GPR39: variants seen among roughly 807,000 people sequenced by gnomAD.
GPR39 encodes zinc sensing receptor.
In GPR39, 23 loss-of-function variants were observed where a neutral mutation model predicts 18.4. The observed-to-expected ratio is 1.25, with a 90% CI of 0.90 to 1.77. The LOEUF is 1.77. Ranked by LOEUF, GPR39 falls within the 40% of genes most tolerant of loss-of-function variation. The pLI, the probability that GPR39 is intolerant of heterozygous loss-of-function variation, is 0.00. For synonymous variants in GPR39, 280 were observed against 257.9 expected, an observed-to-expected ratio of 1.09 and a Z score of -0.82; for missense variants, 647 against 602.4, an observed-to-expected ratio of 1.07 and a Z score of -0.78.
chr2:132,643,666 T>C (rs1420721272), intron 1 of GPR39, among the ~76,000 whole-genome samples: 6 of 152,198 alleles, frequency 3.9e-5, no homozygotes, highest in African/African-American at 1.2e-4. Context: ...CAGGTGTGTA[T>C]GTACCACCAT....
chr2:132,441,599 A>G (rs916038027), intron 1 of GPR39, among the ~76,000 whole-genome samples: 1 of 152,186 alleles, frequency 6.6e-6, no homozygotes, highest in Non-Finnish European at 1.5e-5. Context: ...TAATGAATGG[A>G]GTGATTAATA....
intron 1 of GPR39, among the ~76,000 whole-genome samples, chr2:132,460,851 G>A (rs1680818414): frequency 6.6e-6 from 1 of 152,146 alleles, no homozygotes; most frequent in Non-Finnish European, 1.5e-5. Context: ...AGCACAGCCA[G>A]CTCTGGGCAG....
At position 132,646,056 on chromosome 2, in the gene GPR39, C is replaced by T; in HGVS notation, c.*450C>T. ...CATCTCCTTCAGCTTCAGCAGTGTG[C>T]CGAGAAGAGGGCTAATTTGAGGAAC... On this transcript the variant is annotated 3_prime_UTR_variant, in exon 2 of 2. Transcript: ENST00000329321. 3.8e-6 allele frequency: 6 copies of T among 1,573,032 alleles called. No homozygotes were observed. Among genetic ancestry groups the T allele is most frequent in the Non-Finnish European group, 5.2e-6 (6 of 1,157,680 alleles).
intron 1 of GPR39, among the ~76,000 whole-genome samples, chr2:132,492,656 T>TATACACACCATATATATATAATATAC: frequency 7.2e-6 from 1 of 138,380 alleles, no homozygotes; most frequent in South Asian, 2.2e-4. Context: ...ATATAATATA[T>TATACACACCATATATATATAATATAC]ATACACACCA....
intron 1 of GPR39, among the ~76,000 whole-genome samples, chr2:132,428,673 C>T (rs1023666704): frequency 2.6e-5 from 4 of 152,190 alleles, no homozygotes; most frequent in African/African-American, 4.8e-5. Context: ...TATGTCCTAA[C>T]ATCAGGGTAT....
intron 1 of GPR39, among the ~76,000 whole-genome samples, chr2:132,552,674 G>T (rs2104796053): frequency 6.6e-6 from 1 of 151,740 alleles, no homozygotes. Context: ...TGGAAGTTCG[G>T]CATCCTTGAA....
chr2:132,609,563 G>T (rs915890228), intron 1 of GPR39, among the ~76,000 whole-genome samples: 1 of 152,104 alleles, frequency 6.6e-6, no homozygotes, highest in Non-Finnish European at 1.5e-5. Flanking sequence ...GGATGCAAAG[G>T]CCCCTTGCAG....
intron 1 of GPR39, among the ~76,000 whole-genome samples, chr2:132,461,130 A>G (rs1573613404): frequency 6.6e-6 from 1 of 152,206 alleles, no homozygotes; most frequent in Non-Finnish European, 1.5e-5. Flanking sequence ...GAATAATCGT[A>G]TAAGACCCTT....
At chr2:132,467,707 A>G (rs1228194791) in intron 1 of GPR39, among the ~76,000 whole-genome samples, 1 of 152,254 alleles carries the variant, frequency 6.6e-6, no homozygotes, top group East Asian at 1.9e-4. Flanking sequence ...AAGATGATGT[A>G]TACTTTTACC....
intron 1 of GPR39, among the ~76,000 whole-genome samples, chr2:132,620,853 C>T (rs935722361): frequency 1.3e-5 from 2 of 152,124 alleles, no homozygotes; most frequent in Non-Finnish European, 2.9e-5. Flanking sequence ...CCCAGGTTCA[C>T]GCCATTCTCC....
At chr2:132,499,283 C>A (rs929229862) in intron 1 of GPR39, among the ~76,000 whole-genome samples, 2 of 152,158 alleles carry the variant, frequency 1.3e-5, no homozygotes, top group Non-Finnish European at 2.9e-5. Flanking sequence ...GTGTGGCTTG[C>A]CAATTATCCC....
chr2:132,486,564 C>T (rs1422059786), intron 1 of GPR39, among the ~76,000 whole-genome samples: 2 of 152,222 alleles, frequency 1.3e-5, no homozygotes, highest in African/African-American at 4.8e-5. Flanking sequence ...GCACTTGCTG[C>T]TTCACTTTGC....
chr2:132,419,952 A>G (rs4378856), intron 1 of GPR39, among the ~76,000 whole-genome samples: 33,168 of 152,170 alleles, frequency 0.22, 3,796 homozygotes, highest in African/African-American at 0.27. Context: ...TCCCCACAGC[A>G]GGTGCTCCAA....
At chr2:132,509,919 T>G (rs111325292) in intron 1 of GPR39, among the ~76,000 whole-genome samples, 14 of 152,298 alleles carry the variant, frequency 9.2e-5, no homozygotes, top group African/African-American at 3.1e-4. Flanking sequence ...GAGAGGACTG[T>G]GTATGGCTGG....
At chr2:132,479,157 T>C (rs1423287993) in intron 1 of GPR39, among the ~76,000 whole-genome samples, 6 of 152,200 alleles carry the variant, frequency 3.9e-5, no homozygotes, top group Admixed American at 3.9e-4. Flanking sequence ...TTAATGACTA[T>C]TTATTAAAGG....
chr2:132,464,036 G>A (rs889612973), intron 1 of GPR39, among the ~76,000 whole-genome samples: 1 of 152,222 alleles, frequency 6.6e-6, no homozygotes, highest in Non-Finnish European at 1.5e-5. Flanking sequence ...AACTCACACA[G>A]TGTCACTTCT....
At chr2:132,520,861 TG>T (rs1259729546) in intron 1 of GPR39, among the ~76,000 whole-genome samples, 15 of 152,232 alleles carry the variant, frequency 9.9e-5, no homozygotes, top group Non-Finnish European at 1.9e-4. Flanking sequence ...TCTGTATTCC[TG>T]CAGTTTATAA....
chr2:132,635,862 C>G (rs1028789374), intron 1 of GPR39, among the ~76,000 whole-genome samples: 1 of 152,108 alleles, frequency 6.6e-6, no homozygotes, highest in Non-Finnish European at 1.5e-5. Flanking sequence ...GAGCTTCTCC[C>G]CACCTCTATA....
intron 1 of GPR39, among the ~76,000 whole-genome samples, chr2:132,441,398 GTT>G (rs1680437055): frequency 7.9e-6 from 1 of 127,092 alleles, no homozygotes. Flanking sequence ...TTTTTTTGTT[GTT>G]GTTGTTGTTG....
Sources: allele counts gnomAD v4.1 joint callset (sites outside exome capture counted in the v4.1 genomes callset), GRCh38; gene constraint gnomAD v4.1.1; transcripts MANE v1.5; gene names NCBI Gene and HGNC (gene_info 2026-07-23, HGNC 2026-07-21).